Variants in BRI3BP observed in about 807,000 individuals in gnomAD.
BRI3BP encodes BRI3 binding protein.
In BRI3BP, 7 loss-of-function variants were observed where a neutral mutation model predicts 15.8. That is an observed-to-expected ratio of 0.44 (90% CI 0.25 to 0.83). The LOEUF (loss-of-function observed/expected upper bound fraction) is 0.83, where lower values mean the gene tolerates loss of function less well. Ranked by LOEUF, BRI3BP falls within the 40% of genes least tolerant of loss-of-function variation. The pLI is 0.20. For missense variants in BRI3BP, 320 were observed against 339.3 expected (o/e 0.94, Z 0.45); for synonymous variants, 192 against 163.5 (o/e 1.17, Z -1.33).
chr12:125,010,780 AAAATT>A (rs1335968886), intron 1 of BRI3BP, among the ~76,000 whole-genome samples: 1 of 151,852 alleles, frequency 6.6e-6, no homozygotes, highest in African/African-American at 2.4e-5. Flanking sequence ...CAAATAAAAT[AAAATT>A]AAATTAAAAC....
At chr12:125,009,615 G>T (rs1955179178) in intron 1 of BRI3BP, among the ~76,000 whole-genome samples, 3 of 2,780 alleles carry the variant, frequency 1.1e-3, no homozygotes, top group Non-Finnish European at 1.6e-3. Context: ...AGGTAAATTA[G>T]AGATGGGGGG....
intron 2 of BRI3BP, among the ~76,000 whole-genome samples, chr12:125,021,408 T>C (rs1047017505): frequency 2.0e-5 from 3 of 152,176 alleles, no homozygotes; most frequent in Non-Finnish European, 4.4e-5. Context: ...TGTGTCACAC[T>C]TTGGTCCTCT....
At position 125,027,235 on chromosome 12, in the gene BRI3BP, G is replaced by T. The variant is rs1414566934; in HGVS notation, c.*1805G>T. ...GGAAAACAGATGCAGATGTTTTTGT[G>T]GATGTTGTTGAGACTTTTGAGACTT... On this transcript the variant is annotated 3_prime_UTR_variant, in exon 3 of 3. Coordinates refer to ENST00000341446, the MANE Select transcript of BRI3BP (RefSeq NM_080626.6). 6.6e-6 allele frequency: 1 copy of T among 152,150 alleles called. No homozygotes were observed. Among genetic ancestry groups the T allele is most frequent in the African/African-American group, 2.4e-5 (1 of 41,440 alleles). The allele number at this position is 152,150 out of a possible 1,614,324, so 9.4% of individuals were successfully genotyped here.
At chr12:125,013,796 A>G (rs1955216753) in intron 2 of BRI3BP, among the ~76,000 whole-genome samples, 1 of 152,152 alleles carries the variant, frequency 6.6e-6, no homozygotes, top group Non-Finnish European at 1.5e-5. Flanking sequence ...ACACGTTTAT[A>G]ATCAGGAAGA....
the BRI3BP span, among the ~76,000 whole-genome samples, chr12:125,041,207 G>C: frequency 6.6e-6 from 1 of 151,732 alleles, no homozygotes; most frequent in Non-Finnish European, 1.5e-5. Flanking sequence ...CACCACGCCT[G>C]GCTAATTTGT....
intron 2 of BRI3BP, among the ~76,000 whole-genome samples, chr12:125,023,023 T>A (rs906726329): frequency 6.6e-6 from 1 of 152,220 alleles, no homozygotes; most frequent in Non-Finnish European, 1.5e-5. Context: ...ACTGTTCTTT[T>A]AACTTTTTTG....
At chr12:125,010,038 G>C (rs114310334) in intron 1 of BRI3BP, among the ~76,000 whole-genome samples, 1 of 152,000 alleles carries the variant, frequency 6.6e-6, no homozygotes, top group Non-Finnish European at 1.5e-5. Context: ...GGAGGCGAAG[G>C]TTGCCTTGAG....
At chr12:125,021,248 T>C (rs1955295988) in intron 2 of BRI3BP, among the ~76,000 whole-genome samples, 1 of 151,532 alleles carries the variant, frequency 6.6e-6, no homozygotes, top group South Asian at 2.1e-4. Flanking sequence ...TGTTGGACTC[T>C]AGACACTGGC....
intron 1 of BRI3BP, among the ~76,000 whole-genome samples, chr12:125,005,664 G>A (rs559770886): frequency 1.3e-5 from 2 of 152,094 alleles, no homozygotes; most frequent in African/African-American, 2.4e-5. Flanking sequence ...CCAGCTACTC[G>A]GGAGGCTGAG....
the BRI3BP span, among the ~76,000 whole-genome samples, chr12:125,040,456 T>C: frequency 6.6e-6 from 1 of 151,500 alleles, no homozygotes; most frequent in Admixed American, 6.6e-5. Context: ...GCGATTCTCC[T>C]GCCTCAGCCT....
intron 1 of BRI3BP, among the ~76,000 whole-genome samples, chr12:125,005,735 G>A (rs1272198127): frequency 1.3e-5 from 2 of 151,348 alleles, no homozygotes; most frequent in Non-Finnish European, 2.9e-5. Context: ...CCGAGATCGC[G>A]CCACTGCACT....
intron 2 of BRI3BP, among the ~76,000 whole-genome samples, chr12:125,016,057 A>G (rs1439896578): frequency 2.6e-5 from 4 of 152,140 alleles, no homozygotes; most frequent in Non-Finnish European, 5.9e-5. Flanking sequence ...CAGCCTCCTA[A>G]TCATATGGAA....
chr12:125,037,185 G>A, the BRI3BP span, among the ~76,000 whole-genome samples: 1 of 152,136 alleles, frequency 6.6e-6, no homozygotes, highest in African/African-American at 2.4e-5. Context: ...TCAGCCTCCT[G>A]AGTAGCTGGG....
chr12:124,997,246 C>T (rs1042742555), intron 1 of BRI3BP, among the ~76,000 whole-genome samples: 10 of 35,088 alleles, frequency 2.8e-4, no homozygotes, highest in Non-Finnish European at 4.6e-4. Flanking sequence ...GATGCAGTCT[C>T]GCTTCTTCTC....
chr12:125,005,959 C>T (rs191576996), intron 1 of BRI3BP, among the ~76,000 whole-genome samples: 3 of 152,120 alleles, frequency 2.0e-5, no homozygotes, highest in East Asian at 1.9e-4. Context: ...AATCTGAGCT[C>T]GAGGTGCCAG....
At chr12:125,039,638 A>C in the BRI3BP span, among the ~76,000 whole-genome samples, 1 of 141,700 alleles carries the variant, frequency 7.1e-6, no homozygotes, top group African/African-American at 2.5e-5. Flanking sequence ...AATCATTGGA[A>C]TGTTATTCCA....
chr12:125,005,332 C>G (rs912200246), intron 1 of BRI3BP, among the ~76,000 whole-genome samples: 12 of 152,192 alleles, frequency 7.9e-5, no homozygotes, highest in African/African-American at 2.9e-4. Flanking sequence ...CCACCTCATG[C>G]TTTTTCTTGG....
chr12:125,022,733 G>A (rs1462529212), intron 2 of BRI3BP, among the ~76,000 whole-genome samples: 1 of 151,910 alleles, frequency 6.6e-6, no homozygotes, highest in Non-Finnish European at 1.5e-5. Flanking sequence ...CACCATGTTG[G>A]CCAGGCTGGT....
chr12:125,016,176 C>G (rs141575730), intron 2 of BRI3BP, among the ~76,000 whole-genome samples: 3 of 152,086 alleles, frequency 2.0e-5, no homozygotes, highest in African/African-American at 7.2e-5. Context: ...GCTTCCGTGT[C>G]GAAGCTTTTC....
Sources: allele counts gnomAD v4.1 joint callset (sites outside exome capture counted in the v4.1 genomes callset), GRCh38; gene constraint gnomAD v4.1.1; transcripts MANE v1.5; gene names NCBI Gene and HGNC (gene_info 2026-07-23, HGNC 2026-07-21).